The following CLIC6 variants were observed in gnomAD, a reference collection of about 807,000 sequenced individuals.
CLIC6 encodes the protein chloride intracellular channel protein 6.
CLIC6 carries 39 observed loss-of-function variants against 49.2 expected under a neutral mutation model. That is an observed-to-expected ratio of 0.79 (90% CI 0.61 to 1.04). The LOEUF (loss-of-function observed/expected upper bound fraction) is 1.04, where lower values mean the gene tolerates loss of function less well. Among genes scored for constraint, CLIC6 ranks in the 50% least tolerant of loss-of-function variants. CLIC6 has a pLI of 0.00. For missense variants in CLIC6, 988 were observed against 993.1 expected (o/e 0.99, Z 0.07); for synonymous variants, 446 against 433.4 (o/e 1.03, Z -0.36).
chr21:34,705,631 A>G (rs1444802066), intron 1 of CLIC6, among the ~76,000 whole-genome samples: 2 of 152,108 alleles, frequency 1.3e-5, no homozygotes, highest in Non-Finnish European at 1.5e-5. Flanking sequence ...ACAGGCCCAG[A>G]GCTTAGGGAC....
intron 1 of CLIC6, among the ~76,000 whole-genome samples, chr21:34,702,613 C>T (rs542390154): frequency 1.3e-4 from 20 of 152,312 alleles, no homozygotes; most frequent in African/African-American, 4.3e-4. Context: ...GCAGGGCAGG[C>T]GCAGCGGAGG....
chr21:34,706,107 T>A (rs937290007), intron 1 of CLIC6: 1 of 669,742 alleles, frequency 1.5e-6, no homozygotes, highest in Admixed American at 2.2e-5. Flanking sequence ...GAAAAGAGGC[T>A]GAATTGGCTC....
intron 1 of CLIC6, among the ~76,000 whole-genome samples, chr21:34,683,035 T>C (rs1989810952): frequency 6.6e-6 from 1 of 151,910 alleles, no homozygotes. Context: ...ATGGTCTCGA[T>C]CTCCTGACCT....
At chr21:34,681,565 A>C in intron 1 of CLIC6, among the ~76,000 whole-genome samples, 1 of 152,220 alleles carries the variant, frequency 6.6e-6, no homozygotes, top group Non-Finnish European at 1.5e-5. Context: ...AGGGCTGGAT[A>C]ATCCACTTCC....
Position 34,670,720 on chromosome 21 carries a change from C to G in CLIC6, c.1332C>G (p.Pro444=), listed in dbSNP as rs1226599821. 1 of 1,599,372 alleles carries G rather than the reference C, an allele frequency of 6.3e-7. No individual in the cohort carries two copies. The highest frequency in any genetic ancestry group is 2.2e-5 in the East Asian group (1 of 44,580). The change falls in exon 1 of 6, where the codon CCC becomes CCG. Residue 444 remains proline (P), a synonymous_variant. Transcript: ENST00000349499. The part of the protein sequence containing the change: ...GRREDGEASE[P]RALGQEHDIT... ...GGGAGGACGGAGAGGCGTCCGAGCC[C>G]CGGGCCCTGGGGCAGGAGCACGACA...
Position 34,669,392 on chromosome 21 carries a change from G to T in CLIC6, c.4G>T (p.Ala2Ser). Reference sequence around the variant, plus strand: ...TCAAGGACAGGGATCTGCGGCCATGGCCGAGGCCGCGGAGCCGGAGGGGGT... The same window carrying T: ...TCAAGGACAGGGATCTGCGGCCATGTCCGAGGCCGCGGAGCCGGAGGGGGT... M[A>S]EAAEPEGVAP... The change falls in exon 1 of 6, where the codon GCC (alanine) becomes TCC (serine). Residue 2 changes from alanine (A) to serine (S), a missense_variant. By Grantham distance (99) the Ala-to-Ser change is moderately conservative. This residue lies in a region of CLIC6 where 284 missense variants were observed against 278.6 expected (regional missense o/e 1.02). Coordinates refer to ENST00000349499, the MANE Select transcript of CLIC6 (RefSeq NM_053277.3). 1 of 1,238,174 alleles carries T rather than the reference G, an allele frequency of 8.1e-7. No homozygotes were observed. The highest frequency in any genetic ancestry group is 1.0e-6 in the Non-Finnish European group (1 of 991,442). The allele number at this position is 1,238,174 out of a possible 1,614,324, so 76.7% of individuals were successfully genotyped here. A position where few individuals can be genotyped will look rare whatever the true frequency, so the allele number is the denominator to read the frequency against.
In CLIC6 at chr21:34,670,333, C is replaced by T. The variant is rs1989528746; in HGVS notation, c.945C>T (p.Ala315=). 6.9e-7 allele frequency: 1 copy of T among 1,449,058 alleles called. No homozygotes were observed. The highest frequency in any genetic ancestry group is 9.1e-7 in the Non-Finnish European group (1 of 1,102,372). 89.8% of individuals were successfully genotyped at this position (1,449,058 alleles called of 1,614,324 possible). ...SPQAEAIEVA[A]GESAGRSPGE... ...AGGCCGAGGCAATTGAGGTCGCAGC[C>T]GGGGAGAGTGCGGGGCGCAGCCCCG... The change falls in exon 1 of 6, where the codon GCC becomes GCT. Residue 315 remains alanine, a synonymous_variant. Coordinates refer to ENST00000349499, the MANE Select transcript of CLIC6 (RefSeq NM_053277.3).
intron 1 of CLIC6, among the ~76,000 whole-genome samples, chr21:34,686,219 T>C (rs1568961023): frequency 6.6e-6 from 1 of 152,282 alleles, no homozygotes; most frequent in East Asian, 1.9e-4. Flanking sequence ...CTGGCTAACA[T>C]GGTGAAACCC....
In CLIC6 at chr21:34,669,789, C is replaced by A; in HGVS notation, c.401C>A (p.Ala134Asp). ...EAQREPEDSA[A>D]PERQEEAEQR... is the part of the protein sequence containing the mutation. The stretch of plus-strand genomic sequence containing the variant: ...CAGAGGGAGCCCGAGGACTCTGCGG[C>A]CCCCGAGAGGCAGGAGGAGGCGGAG... The change falls in exon 1 of 6, where the codon GCC becomes GAC. Residue 134 changes from alanine to aspartate, a missense_variant. This residue lies in a region of CLIC6 where 284 missense variants were observed against 278.6 expected (regional missense o/e 1.02). Coordinates refer to ENST00000349499, the MANE Select transcript of CLIC6 (RefSeq NM_053277.3). 2 of 1,421,626 alleles carry A rather than the reference C, an allele frequency of 1.4e-6. No individual in the cohort carries two copies. The highest frequency in any genetic ancestry group is 1.8e-6 in the Non-Finnish European group (2 of 1,098,474). The allele number at this position is 1,421,626 out of a possible 1,614,324, so 88.1% of individuals were successfully genotyped here.
intron 5 of CLIC6, among the ~76,000 whole-genome samples, chr21:34,715,668 C>T (rs1272443477): frequency 2.6e-5 from 4 of 152,352 alleles, no homozygotes; most frequent in Non-Finnish European, 5.9e-5. Context: ...AACTGTACCC[C>T]TCTTGCTAGA....
intron 5 of CLIC6, among the ~76,000 whole-genome samples, chr21:34,712,043 C>T (rs1029548045): frequency 6.6e-6 from 1 of 152,130 alleles, no homozygotes; most frequent in African/African-American, 2.4e-5. Context: ...ATTCATGGCC[C>T]CTTGTTTAGC....
chr21:34,716,226 G>C, intron 5 of CLIC6, 95 bp from the exon 6 acceptor site: 1 of 1,042,490 alleles, frequency 9.6e-7, no homozygotes, highest in Non-Finnish European at 1.4e-6. Flanking sequence ...AACTGGGAAA[G>C]AATGTATTGC....
chr21:34,700,643 A>C (rs1990172243), intron 1 of CLIC6, among the ~76,000 whole-genome samples: 1 of 139,604 alleles, frequency 7.2e-6, no homozygotes, highest in Non-Finnish European at 1.5e-5. Context: ...TGTCATGGGG[A>C]GTGGCTGTGT....
At chr21:34,709,042 G>T (rs188519795) in intron 4 of CLIC6, among the ~76,000 whole-genome samples, 6 of 152,284 alleles carry the variant, frequency 3.9e-5, no homozygotes, top group Middle Eastern at 3.4e-3. Context: ...CATCACCCAG[G>T]TGTTCCGGAC....
intron 1 of CLIC6, among the ~76,000 whole-genome samples, chr21:34,704,290 A>G (rs1158642095): frequency 6.6e-6 from 1 of 152,176 alleles, no homozygotes; most frequent in East Asian, 1.9e-4. Context: ...TTTTGCTGGC[A>G]CATCCAGGCC....
At chr21:34,686,930 T>A (rs1329823662) in intron 1 of CLIC6, among the ~76,000 whole-genome samples, 3 of 152,168 alleles carry the variant, frequency 2.0e-5, no homozygotes, top group African/African-American at 2.4e-5. Flanking sequence ...CACTGCTGAG[T>A]AACCTTCGTC....
chr21:34,705,896 C>T (rs2145816855), intron 1 of CLIC6: 1 of 471,344 alleles, frequency 2.1e-6, no homozygotes, highest in East Asian at 3.3e-5. Context: ...TTTCTGACCA[C>T]TGGCATTGTA....
chr21:34,692,342 G>A (rs1990010603), intron 1 of CLIC6, among the ~76,000 whole-genome samples: 1 of 152,176 alleles, frequency 6.6e-6, no homozygotes, highest in Non-Finnish European at 1.5e-5. Context: ...TAGCTTGACG[G>A]ACTGTGGCTT....
chr21:34,675,374 A>G (rs973127779), intron 1 of CLIC6, among the ~76,000 whole-genome samples: 23 of 152,100 alleles, frequency 1.5e-4, no homozygotes, highest in African/African-American at 3.6e-4. Context: ...CTCTGTGGAC[A>G]TGTCACTGGG....
Sources: gnomAD v4.1 joint callset for allele counts (sites outside exome capture counted in the v4.1 genomes callset) on GRCh38, gnomAD v4.1.1 for gene constraint, gnomAD v4.1.1 regional missense constraint, MANE v1.5 for transcripts, NCBI Gene and HGNC (gene_info 2026-07-23, HGNC 2026-07-21) for gene names.